Variants in LUC7L observed in about 807,000 individuals in gnomAD.
LUC7L encodes the protein putative RNA-binding protein Luc7-like 1.
LUC7L carries 29 observed loss-of-function variants against 51.1 expected under a neutral mutation model. That is an observed-to-expected ratio of 0.57 (90% CI 0.42 to 0.77). LUC7L has a LOEUF of 0.77. Among genes scored for constraint, LUC7L ranks in the 30% least tolerant of loss-of-function variants. The pLI, the probability that LUC7L is intolerant of heterozygous loss-of-function variation, is 0.00. For missense variants in LUC7L, 403 were observed against 511.9 expected (o/e 0.79, Z 2.05); for synonymous variants, 181 against 180.7 (o/e 1.00, Z -0.01).
At chr16:202,242 AG>A (rs1237667933) in intron 5 of LUC7L, among the ~76,000 whole-genome samples, 1 of 121,290 alleles carries the variant, frequency 8.2e-6, no homozygotes, top group African/African-American at 2.6e-5. Context: ...ACATGGCAAA[AG>A]AAGGAGTGAG....
chr16:213,175 C>A (rs113767605), intron 3 of LUC7L, among the ~76,000 whole-genome samples: 20 of 152,274 alleles, frequency 1.3e-4, no homozygotes, highest in African/African-American at 3.8e-4. Context: ...AGCACACATC[C>A]TTTCCTAGGC....
In LUC7L at chr16:220,640, A is replaced by G. The variant is rs780734685; in HGVS notation, c.255+9T>C. 1.3e-6 allele frequency: 2 copies of G among 1,589,916 alleles called. No individual in the cohort carries two copies. Among genetic ancestry groups the G allele is most frequent in the East Asian group, 2.2e-5 (1 of 44,748 alleles). On this transcript the variant is annotated intron_variant, in intron 3 of 9. Coordinates refer to ENST00000293872, the MANE Select transcript of LUC7L (RefSeq NM_201412.3). ...CAGTAGGAATAAATCAACATTAAAT[A>G]AAACTTACATCTAATTCAAAAAACA... is the stretch of plus-strand genomic sequence containing the variant.
chr16:190,464 G>A lies in LUC7L; in HGVS notation c.806+77C>T, dbSNP rs1255291376. 4.2e-6 allele frequency: 6 copies of A among 1,426,264 alleles called. No homozygotes were observed. In the African/African-American group the frequency reaches 8.5e-5, roughly 20 times the overall value. 88.4% of individuals were successfully genotyped at this position (1,426,264 alleles called of 1,614,324 possible). A position where few individuals can be genotyped will look rare whatever the true frequency, so the allele number is the denominator to read the frequency against. Reference sequence around the variant, plus strand: ...TACCTGCCAGGTAACATTTGTAAAGGCATAATCATTAAATATTAAGAAAAA... The same window carrying A: ...TACCTGCCAGGTAACATTTGTAAAGACATAATCATTAAATATTAAGAAAAA... On this transcript the variant is annotated intron_variant, in intron 8 of 9. Coordinates refer to ENST00000293872, the MANE Select transcript of LUC7L (RefSeq NM_201412.3).
At chr16:223,644 GACA>G (rs2050039193) in intron 2 of LUC7L, among the ~76,000 whole-genome samples, 1 of 151,696 alleles carries the variant, frequency 6.6e-6, no homozygotes, top group African/African-American at 2.4e-5. Context: ...CTGAAAATCT[GACA>G]ACTTTTACCT....
At chr16:228,526 A>G in intron 1 of LUC7L, 1 of 1,213,830 alleles carries the variant, frequency 8.2e-7, no homozygotes, top group Non-Finnish European at 1.1e-6. Flanking sequence ...CTATGAAATA[A>G]AGTGCAAATA....
chr16:193,184 C>T (rs192528137), intron 6 of LUC7L, among the ~76,000 whole-genome samples, 169 bp from the exon 7 acceptor site: 1 of 152,048 alleles, frequency 6.6e-6, no homozygotes, highest in Non-Finnish European at 1.5e-5. Context: ...CGGTGTCTCA[C>T]TGTCACCAGG....
chr16:196,906 C>CTT lies in LUC7L; in HGVS notation c.687+2154_687+2155dup, dbSNP rs34164641. On this transcript the variant is annotated intron_variant, in intron 6 of 9. Coordinates refer to ENST00000293872, the MANE Select transcript of LUC7L (RefSeq NM_201412.3). ...CTATTGGATACAGATACTTTTACAT[C>CTT]TTTTTTTTTTTTTTTTTTTGAGACA... Among the ~76,000 whole-genome samples, 293 of 122,798 alleles carry CTT rather than the reference C, an allele frequency of 2.4e-3. 3 individuals carry two copies. In the East Asian group the frequency reaches 0.03, roughly 12 times the overall value. The allele number at this position is 122,798 out of a possible 152,430, so 80.6% of individuals were successfully genotyped here.
In LUC7L at chr16:229,294, C is replaced by T; in HGVS notation, c.46G>A (p.Gly16Ser). 6.5e-7 allele frequency: 1 copy of T among 1,541,468 alleles called. No individual in the cohort carries two copies. Among genetic ancestry groups the T allele is most frequent in the Non-Finnish European group, 8.7e-7 (1 of 1,151,250 alleles). The change falls in exon 1 of 10, where the codon GGC becomes AGC. Residue 16 changes from glycine (G) to serine (S), a missense_variant. Coordinates refer to ENST00000293872, the MANE Select transcript of LUC7L (RefSeq NM_201412.3). Reference protein sequence around the residue: ...QMRALLDQLMGTARDGDETRQ... With the variant: ...QMRALLDQLMSTARDGDETRQ... ...TCTGACTCACCGTCCCGAGCCGTGC[C>T]CATGAGCTGGTCCAGCAGGGCCCGC...
Position 199,257 on chromosome 16 carries a change from G to A in LUC7L, c.511-19C>T, listed in dbSNP as rs2049250547. The A allele has an allele frequency of 1.3e-6, 2 of 1,563,916 alleles. No individual in the cohort carries two copies. The highest frequency in any genetic ancestry group is 1.8e-6 in the Non-Finnish European group (2 of 1,142,220). ...ATTCTTCCTGAAGAAGGAAAATGGAGAAATAAAAGTGAGGTATATAGAACT... is the reference window on the plus strand; with the variant it reads ...ATTCTTCCTGAAGAAGGAAAATGGAAAAATAAAAGTGAGGTATATAGAACT... On this transcript the variant is annotated intron_variant, in intron 5 of 9. Transcript: ENST00000293872.
chr16:225,785 T>C (rs2050115416), intron 2 of LUC7L, among the ~76,000 whole-genome samples: 1 of 150,346 alleles, frequency 6.7e-6, no homozygotes, highest in Non-Finnish European at 1.5e-5. Context: ...GCACCCAGCC[T>C]GAAATTCTGT....
At chr16:229,155 G>T in intron 1 of LUC7L, 124 bp downstream of exon 1, 1 of 1,433,114 alleles carries the variant, frequency 7.0e-7, no homozygotes, top group Non-Finnish European at 9.0e-7. Flanking sequence ...CGGAGCGCGG[G>T]GGAGGAGGAG....
intron 6 of LUC7L, among the ~76,000 whole-genome samples, chr16:196,294 G>T (rs1473901463): frequency 6.6e-6 from 1 of 152,004 alleles, no homozygotes; most frequent in Admixed American, 6.6e-5. Flanking sequence ...TATAGTACCA[G>T]CTACTTGGAG....
chr16:193,608 T>C (rs1445579529), intron 6 of LUC7L, among the ~76,000 whole-genome samples: 1 of 152,070 alleles, frequency 6.6e-6, no homozygotes, highest in African/African-American at 2.4e-5. Flanking sequence ...GCGATTCTTC[T>C]GCCTCAGCCT....
chr16:197,124 T>C (rs978343408), intron 6 of LUC7L, among the ~76,000 whole-genome samples: 1 of 150,994 alleles, frequency 6.6e-6, no homozygotes, highest in Non-Finnish European at 1.5e-5. Context: ...GCCAGGATGG[T>C]CTCAATCTCC....
At chr16:224,853 A>T (rs2050084651) in intron 2 of LUC7L, among the ~76,000 whole-genome samples, 1 of 152,020 alleles carries the variant, frequency 6.6e-6, no homozygotes, top group Non-Finnish European at 1.5e-5. Context: ...CCTCACATGA[A>T]GCAAAATTCA....
chr16:192,502 C>CTTTTTTTTT (rs398058029), intron 7 of LUC7L, among the ~76,000 whole-genome samples: 6 of 125,632 alleles, frequency 4.8e-5, no homozygotes, highest in Non-Finnish European at 4.9e-5. Context: ...ATGCTGTTTA[C>CTTTTTTTTT]TTTTTTTTTT....
At chr16:190,864 G>A in intron 7 of LUC7L, 1 of 324,408 alleles carries the variant, frequency 3.1e-6, no homozygotes, top group Non-Finnish European at 5.5e-6. Context: ...TGGGCAACAA[G>A]AATAAAACTT....
At chr16:228,335 C>A (rs1295629308) in intron 1 of LUC7L, 1 of 1,303,972 alleles carries the variant, frequency 7.7e-7, no homozygotes, top group African/African-American at 1.5e-5. Flanking sequence ...TGACTCACGG[C>A]TCGATGAACA....
chr16:210,770 G>A (rs1033104304), intron 3 of LUC7L, among the ~76,000 whole-genome samples: 5 of 152,148 alleles, frequency 3.3e-5, no homozygotes, highest in Admixed American at 1.3e-4. Context: ...ACTAAATGGT[G>A]GCCGGGCGTG....
Sources: allele counts gnomAD v4.1 joint callset (sites outside exome capture counted in the v4.1 genomes callset), GRCh38; gene constraint gnomAD v4.1.1; transcripts MANE v1.5; gene names NCBI Gene and HGNC (gene_info 2026-07-23, HGNC 2026-07-21).